The following ARHGAP22 variants were observed in gnomAD, a reference collection of about 807,000 sequenced individuals.
The protein encoded by ARHGAP22 is Rho GTPase activating protein 22.
A neutral mutation model predicts 59.1 loss-of-function variants in ARHGAP22; 48 were observed. The observed-to-expected ratio is 0.81, with a 90% CI of 0.64 to 1.03. The LOEUF (loss-of-function observed/expected upper bound fraction) is 1.03, where lower values mean the gene tolerates loss of function less well. ARHGAP22 is among the 50% of genes least tolerant of loss of function. The probability of loss-of-function intolerance (pLI) is 0.00; values close to 1 mark genes in which losing one functional copy is unlikely to be tolerated. For synonymous variants in ARHGAP22, 445 were observed against 416.4 expected, an observed-to-expected ratio of 1.07 and a Z score of -0.84; for missense variants, 1,015 against 958.7, an observed-to-expected ratio of 1.06 and a Z score of -0.78.
chr10:48,571,910 A>G (rs182394097), intron 2 of ARHGAP22, among the ~76,000 whole-genome samples: 8 of 152,336 alleles, frequency 5.3e-5, no homozygotes, highest in East Asian at 1.9e-4. Context: ...GGCTTTTCAG[A>G]GCAAAGCAGA....
intron 1 of ARHGAP22, among the ~76,000 whole-genome samples, chr10:48,622,804 C>T (rs2061328095): frequency 6.6e-6 from 1 of 152,058 alleles, no homozygotes; most frequent in Non-Finnish European, 1.5e-5. Context: ...CCCATTTGGC[C>T]CTCTACCAAA....
rs149508153 is a variant in ARHGAP22 at position 48,483,913 on chromosome 10, G to A, written c.323-4149C>T. 1.6e-4 allele frequency among the ~76,000 whole-genome samples: 24 copies of A among 152,172 alleles called. No homozygotes were observed. In the East Asian group the frequency reaches 1.7e-3, roughly 11 times the overall value. On this transcript the variant is annotated intron_variant, in intron 3 of 9. Coordinates refer to ENST00000249601, the MANE Select transcript of ARHGAP22 (RefSeq NM_021226.4). ...CCACTTAGCTATTTTTGTTTTTGTT[G>A]CCTGTGCTTTAGAAGCCTTAGCCAT...
chr10:48,579,443 C>A (rs941034446), intron 2 of ARHGAP22, among the ~76,000 whole-genome samples: 2 of 152,342 alleles, frequency 1.3e-5, no homozygotes, highest in Non-Finnish European at 2.9e-5. Context: ...CCCTCAGGGA[C>A]AGGTGCTGGG....
the ARHGAP22 span, among the ~76,000 whole-genome samples, chr10:48,431,890 T>C: frequency 5.3e-5 from 8 of 152,146 alleles, no homozygotes; most frequent in African/African-American, 1.9e-4. Context: ...TAACAGACAC[T>C]AGTGGTTTAT....
intron 2 of ARHGAP22, among the ~76,000 whole-genome samples, chr10:48,580,205 G>A (rs1211401453): frequency 6.6e-6 from 1 of 152,172 alleles, no homozygotes; most frequent in Non-Finnish European, 1.5e-5. Flanking sequence ...CTTGAGGGCT[G>A]CTCTTGTGTC....
At chr10:48,626,756 C>T (rs971097314) in intron 1 of ARHGAP22, among the ~76,000 whole-genome samples, 11 of 152,282 alleles carry the variant, frequency 7.2e-5, no homozygotes, top group African/African-American at 2.4e-4. Flanking sequence ...CTCCTAAAAC[C>T]CTGGGAATTT....
chr10:48,567,854 C>T (rs1037452307), intron 2 of ARHGAP22, among the ~76,000 whole-genome samples: 1 of 151,992 alleles, frequency 6.6e-6, no homozygotes, highest in East Asian at 1.9e-4. Flanking sequence ...TGTTTAGCTG[C>T]TGGGATCTCA....
intron 1 of ARHGAP22, among the ~76,000 whole-genome samples, chr10:48,600,391 G>A (rs905013938): frequency 6.6e-6 from 1 of 152,170 alleles, no homozygotes; most frequent in African/African-American, 2.4e-5. Context: ...AGACACAGGA[G>A]AAAACTTTCT....
intron 1 of ARHGAP22, among the ~76,000 whole-genome samples, chr10:48,626,585 C>T (rs1388630095): frequency 6.6e-6 from 1 of 152,204 alleles, no homozygotes; most frequent in African/African-American, 2.4e-5. Context: ...CAACCCTTTC[C>T]CTCCATGTGC....
intron 3 of ARHGAP22, among the ~76,000 whole-genome samples, chr10:48,512,124 T>G (rs571092614): frequency 6.6e-6 from 1 of 152,366 alleles, no homozygotes; most frequent in South Asian, 2.1e-4. Context: ...CTTTAACTTC[T>G]TCCAAACTGG....
intron 2 of ARHGAP22, among the ~76,000 whole-genome samples, chr10:48,566,830 C>A (rs2058074283): frequency 1.3e-5 from 2 of 152,242 alleles, no homozygotes; most frequent in Non-Finnish European, 2.9e-5. Context: ...TCCCTGCACC[C>A]TCCCTATCCC....
intron 3 of ARHGAP22, among the ~76,000 whole-genome samples, chr10:48,485,563 ACTT>A (rs1372005130): frequency 6.6e-6 from 1 of 152,152 alleles, no homozygotes; most frequent in East Asian, 1.9e-4. Context: ...TTTTCTGTCT[ACTT>A]CTTCTATCAA....
At chr10:48,604,718 G>T in intron 1 of ARHGAP22, 45 bp downstream of exon 1, 1 of 1,614,174 alleles carries the variant, frequency 6.2e-7, no homozygotes, top group South Asian at 1.1e-5. Context: ...CGTTTGCCAA[G>T]AGGCACATGC....
chr10:48,502,895 A>G (rs1589794713), intron 3 of ARHGAP22, among the ~76,000 whole-genome samples: 1 of 152,330 alleles, frequency 6.6e-6, no homozygotes, highest in East Asian at 1.9e-4. Flanking sequence ...AACCAACATC[A>G]TCAACAAACT....
At chr10:48,495,288 T>G (rs1167735145) in intron 3 of ARHGAP22, among the ~76,000 whole-genome samples, 1 of 152,136 alleles carries the variant, frequency 6.6e-6, no homozygotes, top group Non-Finnish European at 1.5e-5. Context: ...TTTGATTGAG[T>G]GCTCACCATA....
At chr10:48,611,272 C>G (rs746644709) in intron 1 of ARHGAP22, among the ~76,000 whole-genome samples, 1 of 152,168 alleles carries the variant, frequency 6.6e-6, no homozygotes, top group Non-Finnish European at 1.5e-5. Flanking sequence ...AGGTGTGACA[C>G]CCTGGGCTAG....
At chr10:48,600,259 C>T (rs1400506725) in intron 1 of ARHGAP22, among the ~76,000 whole-genome samples, 2 of 152,100 alleles carry the variant, frequency 1.3e-5, no homozygotes, top group Non-Finnish European at 1.5e-5. Context: ...AATGTATTAA[C>T]AGTGGAAAGT....
intron 3 of ARHGAP22, among the ~76,000 whole-genome samples, chr10:48,515,465 A>G (rs2053195018): frequency 6.6e-6 from 1 of 152,192 alleles, no homozygotes; most frequent in Non-Finnish European, 1.5e-5. Context: ...AACGCAGGAG[A>G]TTTTAATAAT....
intron 1 of ARHGAP22, among the ~76,000 whole-genome samples, chr10:48,642,479 C>A (rs982549421): frequency 5.3e-5 from 8 of 152,152 alleles, no homozygotes; most frequent in African/African-American, 1.9e-4. Context: ...GAAAAACAAG[C>A]AATGGGGAAA....
Sources: gnomAD v4.1 joint callset for allele counts (sites outside exome capture counted in the v4.1 genomes callset) on GRCh38, gnomAD v4.1.1 for gene constraint, MANE v1.5 for transcripts, NCBI Gene and HGNC (gene_info 2026-07-23, HGNC 2026-07-21) for gene names.